Variants in GALNT13 observed in about 807,000 individuals in gnomAD.
GALNT13 encodes UDP-GalNAc:polypeptide N-acetylgalactosaminyltransferase 13.
GALNT13 carries 28 observed loss-of-function variants against 64.2 expected under a neutral mutation model. The ratio of observed to expected loss-of-function variants is 0.44; its 90% CI spans 0.32 to 0.60. GALNT13 has a LOEUF of 0.60. GALNT13 is among the 20% of genes least tolerant of loss of function. GALNT13 has a pLI of 0.05. For synonymous variants in GALNT13, 214 were observed against 224.6 expected, an observed-to-expected ratio of 0.95 and a Z score of 0.42; for missense variants, 577 against 669.8, an observed-to-expected ratio of 0.86 and a Z score of 1.53.
At chr2:153,433,172 G>A in the GALNT13 span, among the ~76,000 whole-genome samples, 1 of 152,104 alleles carries the variant, frequency 6.6e-6, no homozygotes, top group African/African-American at 2.4e-5. Flanking sequence ...AGAGGAAATT[G>A]TAAAAATAAA....
chr2:153,988,637 T>C (rs1694965050), intron 3 of GALNT13, among the ~76,000 whole-genome samples: 1 of 151,958 alleles, frequency 6.6e-6, no homozygotes, highest in Non-Finnish European at 1.5e-5. Context: ...GAATAAAGCA[T>C]TGACGGTGAT....
At chr2:153,379,256 G>T in the GALNT13 span, among the ~76,000 whole-genome samples, 3 of 152,098 alleles carry the variant, frequency 2.0e-5, no homozygotes, top group Non-Finnish European at 4.4e-5. Context: ...CAAAAACCTA[G>T]CAATGTATAT....
intron 3 of GALNT13, among the ~76,000 whole-genome samples, chr2:153,983,434 C>T (rs1045316342): frequency 6.6e-6 from 1 of 151,484 alleles, no homozygotes; most frequent in Non-Finnish European, 1.5e-5. Flanking sequence ...TATTAGAAAC[C>T]ACAACTTAGA....
At chr2:153,683,663 G>A in the GALNT13 span, among the ~76,000 whole-genome samples, 1 of 151,624 alleles carries the variant, frequency 6.6e-6, no homozygotes, top group Non-Finnish European at 1.5e-5. Context: ...AAATGCCCTT[G>A]GACTTTTGAT....
the GALNT13 span, among the ~76,000 whole-genome samples, chr2:153,432,428 A>G: frequency 2.7e-4 from 41 of 152,288 alleles, no homozygotes; most frequent in African/African-American, 8.9e-4. Flanking sequence ...GAGCTGCACA[A>G]ATTAATCTGG....
chr2:153,151,681 G>C, the GALNT13 span, among the ~76,000 whole-genome samples: 2 of 152,176 alleles, frequency 1.3e-5, no homozygotes, highest in African/African-American at 4.8e-5. Context: ...TCCTCTGTAG[G>C]GATGTGGATG....
chr2:153,098,472 G>T, the GALNT13 span, among the ~76,000 whole-genome samples: 1 of 151,926 alleles, frequency 6.6e-6, no homozygotes, highest in African/African-American at 2.4e-5. Context: ...TTATAGTTTT[G>T]CCACCTAAGT....
At chr2:153,560,671 T>C in the GALNT13 span, among the ~76,000 whole-genome samples, 1 of 152,048 alleles carries the variant, frequency 6.6e-6, no homozygotes, top group African/African-American at 2.4e-5. Context: ...ATTCTACTTA[T>C]TTTTACTGCT....
intron 1 of GALNT13, among the ~76,000 whole-genome samples, chr2:153,896,264 G>C (rs1054957315): frequency 2.7e-5 from 4 of 149,518 alleles, no homozygotes; most frequent in Non-Finnish European, 4.4e-5. Flanking sequence ...ACTTTACATT[G>C]CTTAATTTTC....
chr2:153,461,805 G>C, the GALNT13 span, among the ~76,000 whole-genome samples: 2 of 152,076 alleles, frequency 1.3e-5, no homozygotes, highest in African/African-American at 4.8e-5. Context: ...AGATAAGAAC[G>C]AGAATAAGAT....
At chr2:153,719,708 C>T in the GALNT13 span, among the ~76,000 whole-genome samples, 4 of 152,098 alleles carry the variant, frequency 2.6e-5, no homozygotes, top group Admixed American at 2.6e-4. Flanking sequence ...ACGGACGCAC[C>T]TGGAAAATCG....
the GALNT13 span, chr2:153,208,002 A>G: frequency 2.0e-5 from 3 of 152,166 alleles, no homozygotes; most frequent in Non-Finnish European, 4.4e-5. Flanking sequence ...AGGTAAGTAG[A>G]CATTCTTAAG....
At chr2:154,312,747 G>A (rs1694115193) in intron 9 of GALNT13, among the ~76,000 whole-genome samples, 1 of 152,078 alleles carries the variant, frequency 6.6e-6, no homozygotes, top group Non-Finnish European at 1.5e-5. Context: ...GAACAAAATT[G>A]ATGTTTTGCT....
At chr2:153,394,747 T>C in the GALNT13 span, among the ~76,000 whole-genome samples, 1 of 152,158 alleles carries the variant, frequency 6.6e-6, no homozygotes, top group Non-Finnish European at 1.5e-5. Flanking sequence ...TTTTCCCAAA[T>C]AATAGTGTAT....
the GALNT13 span, among the ~76,000 whole-genome samples, chr2:153,337,092 G>A: frequency 5.9e-5 from 9 of 152,178 alleles, no homozygotes; most frequent in African/African-American, 2.2e-4. Flanking sequence ...TTTCTTTCCA[G>A]TCTTGGGTAT....
At chr2:153,073,717 A>G in the GALNT13 span, among the ~76,000 whole-genome samples, 2 of 152,160 alleles carry the variant, frequency 1.3e-5, no homozygotes, top group Admixed American at 6.6e-5. Flanking sequence ...TAATATCATC[A>G]AGTATTCAGT....
the GALNT13 span, among the ~76,000 whole-genome samples, chr2:153,247,295 C>T: frequency 6.6e-6 from 1 of 152,212 alleles, no homozygotes; most frequent in Non-Finnish European, 1.5e-5. Context: ...ACCTAACAGA[C>T]ACCTACAGAA....
At chr2:154,061,089 A>C (rs909299009) in intron 3 of GALNT13, among the ~76,000 whole-genome samples, 1 of 152,130 alleles carries the variant, frequency 6.6e-6, no homozygotes, top group Non-Finnish European at 1.5e-5. Flanking sequence ...CTTACAAAAA[A>C]GTGGCCAAAT....
chr2:153,268,649 C>T, the GALNT13 span, among the ~76,000 whole-genome samples: 1 of 152,220 alleles, frequency 6.6e-6, no homozygotes, highest in Non-Finnish European at 1.5e-5. Context: ...CTGCATTGCC[C>T]TGGTACAGGT....
Sources: allele counts gnomAD v4.1 joint callset (sites outside exome capture counted in the v4.1 genomes callset), GRCh38; gene constraint gnomAD v4.1.1; transcripts MANE v1.5; gene names NCBI Gene and HGNC (gene_info 2026-07-23, HGNC 2026-07-21).